The following SDK1 variants were observed in gnomAD, a reference collection of about 807,000 sequenced individuals.
The protein encoded by SDK1 is protein sidekick-1.
Under a neutral mutation model 245.5 loss-of-function variants are expected in SDK1, and 157 were observed. That is an observed-to-expected ratio of 0.64 (90% CI 0.56 to 0.73). The LOEUF (loss-of-function observed/expected upper bound fraction) is 0.73, where lower values mean the gene tolerates loss of function less well. SDK1 is among the 30% of genes least tolerant of loss of function. SDK1 has a pLI of 0.00. For missense variants in SDK1, 3,583 were observed against 3,002.3 expected, an observed-to-expected ratio of 1.19 and a Z score of -4.52; for synonymous variants, 1,647 against 1,278.5, an observed-to-expected ratio of 1.29 and a Z score of -6.15.
chr7:3,547,814 A>T (rs1295409400), intron 1 of SDK1, among the ~76,000 whole-genome samples: 1 of 152,178 alleles, frequency 6.6e-6, no homozygotes, highest in East Asian at 1.9e-4. Context: ...TAACAGGCAG[A>T]TACCCGTCAG....
chr7:3,528,530 A>G (rs1488272154), intron 1 of SDK1, among the ~76,000 whole-genome samples: 2 of 152,044 alleles, frequency 1.3e-5, no homozygotes, highest in African/African-American at 4.8e-5. Context: ...GCGTGTTTGC[A>G]TTTATTTACA....
At chr7:4,219,343 A>T (rs1246216957) in intron 38 of SDK1, among the ~76,000 whole-genome samples, 1 of 152,206 alleles carries the variant, frequency 6.6e-6, no homozygotes, top group Admixed American at 6.5e-5. Context: ...TAATAAAGAC[A>T]TACTTGAGAC....
chr7:3,796,778 T>C (rs1324604834), intron 4 of SDK1, among the ~76,000 whole-genome samples: 1 of 152,348 alleles, frequency 6.6e-6, no homozygotes, highest in East Asian at 1.9e-4. Context: ...AATGAATGTG[T>C]TGTTTGCTGT....
intron 5 of SDK1, among the ~76,000 whole-genome samples, chr7:3,896,780 C>T (rs1781619531): frequency 6.6e-6 from 1 of 152,158 alleles, no homozygotes; most frequent in African/African-American, 2.4e-5. Context: ...TGTATCATGG[C>T]TGAAAGCAAA....
In SDK1 at chr7:3,869,153, C is replaced by CTT. The variant is rs751723918; in HGVS notation, c.847+47589_847+47590dup. ...TTTGGCACAGTTGTATTTTTCATTT[C>CTT]TTTTTTTTTTTTTTTTTTTTGAGGC... On this transcript the variant is annotated intron_variant, in intron 5 of 44. Transcript: ENST00000404826. 2.7e-3 allele frequency among the ~76,000 whole-genome samples: 319 copies of CTT among 117,126 alleles called. 6 individuals are homozygous for CTT. Among genetic ancestry groups the CTT allele is most frequent in the African/African-American group, 9.4e-3 (273 of 28,938 alleles). 76.8% of individuals were successfully genotyped at this position (117,126 alleles called of 152,430 possible). A position where few individuals can be genotyped will look rare whatever the true frequency, so the allele number is the denominator to read the frequency against.
chr7:3,383,298 C>G (rs993786083), intron 1 of SDK1, among the ~76,000 whole-genome samples: 1 of 152,056 alleles, frequency 6.6e-6, no homozygotes, highest in African/African-American at 2.4e-5. Flanking sequence ...GTGGTTCCAG[C>G]TACTAGGGAG....
intron 1 of SDK1, among the ~76,000 whole-genome samples, chr7:3,336,677 C>G (rs552757928): frequency 6.6e-6 from 1 of 151,956 alleles, no homozygotes; most frequent in South Asian, 2.1e-4. Flanking sequence ...CAGCAACAAA[C>G]TGGCATGGCT....
At chr7:4,050,674 T>G (rs1404867495) in intron 18 of SDK1, among the ~76,000 whole-genome samples, 1 of 152,052 alleles carries the variant, frequency 6.6e-6, no homozygotes, top group East Asian at 1.9e-4. Flanking sequence ...CCTAAAATCC[T>G]TTTTGCGAAA....
chr7:3,303,274 A>C (rs560956790), intron 1 of SDK1, among the ~76,000 whole-genome samples: 1 of 152,218 alleles, frequency 6.6e-6, no homozygotes, highest in African/African-American at 2.4e-5. Flanking sequence ...AACCAGGTTC[A>C]AGTGAAGAAA....
chr7:3,490,786 G>A (rs534408355), intron 1 of SDK1, among the ~76,000 whole-genome samples: 2 of 152,298 alleles, frequency 1.3e-5, no homozygotes, highest in Admixed American at 6.5e-5. Context: ...GGAGGGGGCT[G>A]CACATCCCAC....
intron 4 of SDK1, among the ~76,000 whole-genome samples, chr7:3,655,501 A>ATATGTATGTATGTATGTATGTATGTATG (rs1283673481): frequency 3.8e-5 from 2 of 52,822 alleles, no homozygotes; most frequent in African/African-American, 1.1e-4. Context: ...ATATATATAT[A>ATATGTATGTATGTATGTATGTATGTATG]TATGTATGTA....
At chr7:4,152,442 A>G (rs1489032966) in intron 30 of SDK1, among the ~76,000 whole-genome samples, 1 of 152,192 alleles carries the variant, frequency 6.6e-6, no homozygotes, top group Non-Finnish European at 1.5e-5. Flanking sequence ...GCTCACATAT[A>G]TAAATAACCT....
chr7:3,831,571 A>G (rs889303006), intron 5 of SDK1, among the ~76,000 whole-genome samples: 9 of 152,272 alleles, frequency 5.9e-5, no homozygotes, highest in African/African-American at 1.4e-4. Flanking sequence ...AACCTCTTCA[A>G]TCATAACATG....
chr7:3,461,028 C>G (rs1265649287), intron 1 of SDK1, among the ~76,000 whole-genome samples: 1 of 152,178 alleles, frequency 6.6e-6, no homozygotes, highest in African/African-American at 2.4e-5. Flanking sequence ...CTAATATATA[C>G]AGATTTAACG....
At chr7:3,737,185 C>T (rs1779339094) in intron 4 of SDK1, among the ~76,000 whole-genome samples, 1 of 152,146 alleles carries the variant, frequency 6.6e-6, no homozygotes, top group East Asian at 1.9e-4. Context: ...GTGGGGGAAC[C>T]CTGACAGGAC....
chr7:3,950,223 A>G (rs1386439101), intron 5 of SDK1, among the ~76,000 whole-genome samples: 1 of 152,086 alleles, frequency 6.6e-6, no homozygotes, highest in Non-Finnish European at 1.5e-5. Flanking sequence ...CTTGGACCCC[A>G]TCTCATGTGG....
intron 4 of SDK1, among the ~76,000 whole-genome samples, chr7:3,716,463 G>C (rs566072944): frequency 6.6e-6 from 1 of 152,300 alleles, no homozygotes; most frequent in African/African-American, 2.4e-5. Flanking sequence ...TCAAGTATGA[G>C]GGGAGGCCAC....
intron 16 of SDK1, 87 bp from the exon 17 acceptor site, chr7:4,017,084 C>T (rs1786462793): frequency 7.7e-7 from 1 of 1,300,760 alleles, no homozygotes; most frequent in Admixed American, 2.5e-5. Context: ...CTTCCATTTC[C>T]CCCTAACCCT....
In SDK1 at chr7:4,114,038, C is replaced by T. The variant is rs1369801538; in HGVS notation, c.3587C>T (p.Pro1196Leu). ...TCGCGACTCCTCGTTCCTTCCTAGCCCCTGCCGGATTCTCAGTACAACGGG... is the reference window on the plus strand; with the variant it reads ...TCGCGACTCCTCGTTCCTTCCTAGCTCCTGCCGGATTCTCAGTACAACGGG... ...SETSLRLRWV[P>L]LPDSQYNGNP... The change falls in exon 25 of 45, where the codon CCC (proline) becomes CTC (leucine). Residue 1196 changes from proline to leucine, a missense_variant and splice_region_variant. Coordinates refer to ENST00000404826, the MANE Select transcript of SDK1 (RefSeq NM_152744.4). 6.2e-7 allele frequency: 1 copy of T among 1,613,544 alleles called. No individual in the cohort carries two copies. Among genetic ancestry groups the T allele is most frequent in the Non-Finnish European group, 8.5e-7 (1 of 1,179,628 alleles).
Sources: gnomAD v4.1 joint callset for allele counts (sites outside exome capture counted in the v4.1 genomes callset) on GRCh38, gnomAD v4.1.1 for gene constraint, MANE v1.5 for transcripts, NCBI Gene and HGNC (gene_info 2026-07-23, HGNC 2026-07-21) for gene names.